Variants in PIWIL1 observed in about 807,000 individuals in gnomAD.
PIWIL1 encodes the protein piwi like RNA-mediated gene silencing 1.
In PIWIL1, 73 loss-of-function variants were observed where a neutral mutation model predicts 114.4. The ratio of observed to expected loss-of-function variants is 0.64; its 90% CI spans 0.53 to 0.78. The LOEUF (loss-of-function observed/expected upper bound fraction) is 0.78, where lower values mean the gene tolerates loss of function less well. Ranked by LOEUF, PIWIL1 falls within the 30% of genes least tolerant of loss-of-function variation. The probability of loss-of-function intolerance (pLI) is 0.00; values close to 1 mark genes in which losing one functional copy is unlikely to be tolerated. For missense variants in PIWIL1, 723 were observed against 1,063.1 expected, an observed-to-expected ratio of 0.68 and a Z score of 4.45; for synonymous variants, 375 against 369.0, an observed-to-expected ratio of 1.02 and a Z score of -0.19.
chr12:130,425,463 CCG>C, the PIWIL1 span: 1 of 152,504 alleles, frequency 6.6e-6, no homozygotes. Context: ...CCAACAGCGC[CCG>C]CACACCATCG....
intron 18 of PIWIL1, among the ~76,000 whole-genome samples, chr12:130,366,228 A>G (rs559755098): frequency 2.0e-5 from 3 of 152,254 alleles, no homozygotes; most frequent in East Asian, 1.9e-4. Flanking sequence ...GTTCTAATTC[A>G]TGGATTAACT....
Position 130,355,620 on chromosome 12 carries a change from T to C in PIWIL1, c.1357T>C (p.Ser453Pro). Residue 453 changes from serine (S) to proline (P), a missense_variant, in exon 12 of 21, where the codon TCA becomes CCA. This residue lies in a region of PIWIL1 where 298 missense variants were observed against 420.8 expected (regional missense o/e 0.71). Coordinates refer to ENST00000245255, the MANE Select transcript of PIWIL1 (RefSeq NM_004764.5). Reference protein sequence around the residue: ...LSFDSNLLSFSGRILQTEKIH... With the variant: ...LSFDSNLLSFPGRILQTEKIH... ...CTTTGATTCCAACTTACTGTCCTTC[T>C]CAGGAAGAATTTTGCAAACAGAAAA... 1 of 1,614,208 alleles carries C rather than the reference T, an allele frequency of 6.2e-7. No individual in the cohort carries two copies. Among genetic ancestry groups the C allele is most frequent in the Non-Finnish European group, 8.5e-7 (1 of 1,179,996 alleles).
At chr12:130,357,638 C>T in intron 14 of PIWIL1, 85 bp downstream of exon 14, 1 of 838,904 alleles carries the variant, frequency 1.2e-6, no homozygotes, top group Middle Eastern at 2.3e-4. Context: ...ACTTGGAGTT[C>T]TTTTTTCAAA....
chr12:130,424,543 T>C, the PIWIL1 span: 2 of 1,231,934 alleles, frequency 1.6e-6, no homozygotes, highest in Non-Finnish European at 1.0e-6. This position sits in a 1 kb window ranked among gnomAD's most constrained non-coding sequence, Gnocchi z 9.8. Flanking sequence ...GCCGAGCGGC[T>C]GAACCGACAG....
chr12:130,339,306 C>A (rs886557563), intron 1 of PIWIL1, among the ~76,000 whole-genome samples: 1 of 152,208 alleles, frequency 6.6e-6, no homozygotes, highest in African/African-American at 2.4e-5. Flanking sequence ...CGTCTTCAGC[C>A]CCGGCGGCCT....
the PIWIL1 span, chr12:130,398,215 TTTACTC>T: frequency 2.6e-5 from 4 of 152,200 alleles, no homozygotes; most frequent in Non-Finnish European, 4.4e-5. Flanking sequence ...GGGGTAGACT[TTTACTC>T]TAATACGCTG....
chr12:130,352,336 A>G (rs1231366361), intron 9 of PIWIL1, among the ~76,000 whole-genome samples: 2 of 152,276 alleles, frequency 1.3e-5, no homozygotes, highest in African/African-American at 2.4e-5. Context: ...AGTAATGTCT[A>G]ATAAAAATGA....
chr12:130,414,052 G>A, the PIWIL1 span: 15 of 1,470,590 alleles, frequency 1.0e-5, no homozygotes, highest in Admixed American at 1.2e-4. Flanking sequence ...ATACCCTGTT[G>A]CCAGTCTCTG....
chr12:130,411,730 G>A, the PIWIL1 span, among the ~76,000 whole-genome samples: 18 of 152,082 alleles, frequency 1.2e-4, no homozygotes, highest in African/African-American at 3.9e-4. Flanking sequence ...AAAGATCTTC[G>A]ATCTCATGGA....
In PIWIL1 at chr12:130,361,533, C is replaced by A; in HGVS notation, c.1902C>A (p.Tyr634Ter). Reference protein sequence around the residue: ...KLVMIVGIDCYHDMTAGRRSI... With the variant: ...KLVMIVGIDC ...TGATGATCGTTGGCATCGATTGTTA[C>A]CATGACATGACAGCTGGGCGGAGGT... is the stretch of plus-strand genomic sequence containing the variant. The change falls in exon 16 of 21, where the codon TAC becomes TAA. Residue 634 changes from tyrosine to a stop codon, truncating the protein, a stop_gained. Transcript: ENST00000245255. LOFTEE classifies it high-confidence loss of function. 1 of 1,614,192 alleles carries A rather than the reference C, an allele frequency of 6.2e-7. No individual in the cohort carries two copies. The highest frequency in any genetic ancestry group is 8.5e-7 in the Non-Finnish European group (1 of 1,180,034).
At chr12:130,406,568 A>C in the PIWIL1 span, among the ~76,000 whole-genome samples, 95 of 152,372 alleles carry the variant, frequency 6.2e-4, no homozygotes, top group African/African-American at 2.1e-3. Context: ...AATATTAGGG[A>C]AATGTTCTCT....
chr12:130,411,523 C>T, the PIWIL1 span, among the ~76,000 whole-genome samples: 18 of 150,732 alleles, frequency 1.2e-4, no homozygotes, highest in African/African-American at 4.4e-4. Flanking sequence ...GGCTAGGTTC[C>T]CTTGGCCATC....
the PIWIL1 span, chr12:130,425,343 A>C: frequency 1 from 154,328 of 154,472 alleles, 77,093 homozygotes; most frequent in Middle Eastern, 1. Flanking sequence ...CCACTGGGCC[A>C]ACTTCCCTTC....
rs1471181187 is a variant in PIWIL1, at chr12:130,371,556, A to G, written c.2544A>G (p.Arg848=). ...TTCTTGTTGGCCAGAGTATTCACAG[A>G]GAGCCAAATCTGTCACTGTCAAACC... ...LAFLVGQSIH[R]EPNLSLSNRL... Residue 848 remains arginine, a synonymous_variant, in exon 21 of 21, where the codon AGA becomes AGG. Coordinates refer to ENST00000245255, the MANE Select transcript of PIWIL1 (RefSeq NM_004764.5). 1.2e-6 allele frequency: 2 copies of G among 1,614,140 alleles called. No individual in the cohort carries two copies. Among genetic ancestry groups the G allele is most frequent in the South Asian group, 2.2e-5 (2 of 91,078 alleles).
At chr12:130,384,212 C>T in the PIWIL1 span, among the ~76,000 whole-genome samples, 1 of 152,202 alleles carries the variant, frequency 6.6e-6, no homozygotes, top group Admixed American at 6.5e-5. Context: ...GTGTGTGTGG[C>T]ATGTACATTA....
chr12:130,406,833 G>C, the PIWIL1 span, among the ~76,000 whole-genome samples: 1 of 152,182 alleles, frequency 6.6e-6, no homozygotes, highest in Non-Finnish European at 1.5e-5. Flanking sequence ...TTTTTATAGA[G>C]ATGTGGTTTT....
chr12:130,339,782 T>C (rs2072849586), intron 1 of PIWIL1: 1 of 152,118 alleles, frequency 6.6e-6, no homozygotes, highest in South Asian at 2.1e-4. Flanking sequence ...CTGCTTCCAG[T>C]CGGCTTCTAA....
At chr12:130,395,411 G>A in the PIWIL1 span, among the ~76,000 whole-genome samples, 8 of 152,138 alleles carry the variant, frequency 5.3e-5, no homozygotes, top group African/African-American at 1.9e-4. Context: ...CCTCAGGGTG[G>A]GTGCTTTGGT....
the PIWIL1 span, chr12:130,407,832 G>A: frequency 1.9e-6 from 3 of 1,612,368 alleles, no homozygotes; most frequent in Non-Finnish European, 2.5e-6. Flanking sequence ...GCTTCTCTCT[G>A]TTCAGATCAC....
Sources: allele counts gnomAD v4.1 joint callset (sites outside exome capture counted in the v4.1 genomes callset), GRCh38; gene constraint gnomAD v4.1.1; regional missense constraint gnomAD v4.1.1; non-coding constraint Gnocchi (gnomAD v3.1); transcripts MANE v1.5; gene names NCBI Gene and HGNC (gene_info 2026-07-23, HGNC 2026-07-21).